Variants in PDE4D observed in about 807,000 individuals in gnomAD.
PDE4D encodes the protein phosphodiesterase 4D.
A neutral mutation model predicts 87.4 loss-of-function variants in PDE4D; 24 were observed. The ratio of observed to expected loss-of-function variants is 0.27; its 90% CI spans 0.20 to 0.39. PDE4D has a LOEUF of 0.39. PDE4D is among the 10% of genes least tolerant of loss of function. PDE4D has a pLI of 1.00. For missense variants in PDE4D, 714 were observed against 1,041.0 expected (o/e 0.69, Z 4.32); for synonymous variants, 384 against 383.2 (o/e 1.00, Z -0.02).
chr5:60,313,985 C>G (rs1327811699), intron 1 of PDE4D, among the ~76,000 whole-genome samples: 2 of 152,110 alleles, frequency 1.3e-5, no homozygotes, highest in African/African-American at 2.4e-5. Flanking sequence ...CAACATCATA[C>G]TGAATAGGTA....
chr5:58,981,070 A>G (rs1040998499), intron 11 of PDE4D, among the ~76,000 whole-genome samples: 1 of 152,144 alleles, frequency 6.6e-6, no homozygotes, highest in African/African-American at 2.4e-5. Flanking sequence ...AACAATGGTA[A>G]GGGCAATCTT....
intron 6 of PDE4D, among the ~76,000 whole-genome samples, chr5:58,995,102 T>A (rs1748911712): frequency 6.6e-6 from 1 of 152,138 alleles, no homozygotes; most frequent in Non-Finnish European, 1.5e-5. Flanking sequence ...TTCTGGTTGT[T>A]AAATTACTGG....
intron 1 of PDE4D, among the ~76,000 whole-genome samples, chr5:59,778,966 A>T (rs963769036): frequency 5.9e-5 from 9 of 152,182 alleles, no homozygotes; most frequent in African/African-American, 2.2e-4. Flanking sequence ...GGAATTTGAG[A>T]CCAAACTGGC....
intron 1 of PDE4D, among the ~76,000 whole-genome samples, chr5:59,536,274 GA>G (rs1229416212): frequency 6.6e-6 from 1 of 151,994 alleles, no homozygotes; most frequent in Non-Finnish European, 1.5e-5. Flanking sequence ...GGGAGGCCGA[GA>G]TGGGTGAATC....
intron 1 of PDE4D, among the ~76,000 whole-genome samples, chr5:59,336,353 A>C (rs1777654256): frequency 6.6e-6 from 1 of 152,234 alleles, no homozygotes; most frequent in Admixed American, 6.5e-5. Context: ...ATCCATCAGT[A>C]ACCTCAACAG....
chr5:60,150,993 T>C (rs1263678103), intron 2 of PDE4D, among the ~76,000 whole-genome samples: 1 of 152,204 alleles, frequency 6.6e-6, no homozygotes, highest in African/African-American at 2.4e-5. Context: ...CCTATGTTTC[T>C]AGCCTTAAAA....
At chr5:59,762,585 CACATATGTGTATATGTGTATATAGGT>C (rs1561617289) in intron 1 of PDE4D, among the ~76,000 whole-genome samples, 21 of 131,694 alleles carry the variant, frequency 1.6e-4, no homozygotes, top group African/African-American at 4.3e-4. Context: ...TATATGGGTA[CACATATGTGTATATGTGTATATAGGT>C]ACATATGTGT....
chr5:59,381,879 T>C (rs1362106952), intron 1 of PDE4D, among the ~76,000 whole-genome samples: 1 of 152,084 alleles, frequency 6.6e-6, no homozygotes, highest in African/African-American at 2.4e-5. Context: ...ATGTCAGCAA[T>C]AGTCTGGCCA....
At chr5:60,404,665 C>T (rs1041843722) in intron 1 of PDE4D, among the ~76,000 whole-genome samples, 2 of 152,130 alleles carry the variant, frequency 1.3e-5, no homozygotes, top group African/African-American at 4.8e-5. Context: ...CTGTGGTCAG[C>T]ATAGTAGATA....
At chr5:59,427,942 A>C (rs1197513327) in intron 1 of PDE4D, among the ~76,000 whole-genome samples, 1 of 152,232 alleles carries the variant, frequency 6.6e-6, no homozygotes, top group Admixed American at 6.5e-5. Flanking sequence ...GAGGCTACCA[A>C]AAATTAAAAG....
At chr5:59,460,281 T>C (rs541696681) in intron 1 of PDE4D, among the ~76,000 whole-genome samples, 2 of 152,314 alleles carry the variant, frequency 1.3e-5, no homozygotes, top group African/African-American at 4.8e-5. Flanking sequence ...GTATAACAAA[T>C]TTTTAATGTA....
intron 1 of PDE4D, among the ~76,000 whole-genome samples, chr5:60,459,604 T>G (rs1355067785): frequency 1.3e-5 from 2 of 151,992 alleles, no homozygotes; most frequent in Non-Finnish European, 2.9e-5. Flanking sequence ...CCCACAGAGC[T>G]CGGTGGTGTT....
chr5:59,417,628 C>T (rs1171246594), intron 1 of PDE4D, among the ~76,000 whole-genome samples: 3 of 151,932 alleles, frequency 2.0e-5, no homozygotes, highest in Non-Finnish European at 4.4e-5. Context: ...CTTAAACATA[C>T]TTCTTTCCAG....
At chr5:60,071,076 CTAGT>C (rs1408551437) in intron 2 of PDE4D, among the ~76,000 whole-genome samples, 2 of 151,474 alleles carry the variant, frequency 1.3e-5, no homozygotes, top group African/African-American at 4.8e-5. Context: ...TCTTTTTTTG[CTAGT>C]TAGTTTACTT....
intron 2 of PDE4D, among the ~76,000 whole-genome samples, chr5:60,050,494 T>C (rs1489589170): frequency 6.6e-6 from 1 of 152,176 alleles, no homozygotes; most frequent in Non-Finnish European, 1.5e-5. Flanking sequence ...CTGAGAGATT[T>C]TGTCACCACC....
In PDE4D at chr5:59,779,722, T is replaced by C. The variant is rs552548171; in HGVS notation, c.455+113446A>G. On this transcript the variant is annotated intron_variant, in intron 1 of 14. Transcript: ENST00000340635. ...ATTCAATAGTATGGTTATTTCATAT[T>C]TCATTTAGCCATTTCCCTACTGGAG... is the stretch of plus-strand genomic sequence containing the variant. 5.9e-5 allele frequency among the ~76,000 whole-genome samples: 9 copies of C among 152,372 alleles called. No homozygotes were observed. In the South Asian group the frequency reaches 1.9e-3, roughly 32 times the overall value.
chr5:60,104,083 GGTCAGGGAGTTCCCTTTCCTA>G (rs935350373), intron 2 of PDE4D, among the ~76,000 whole-genome samples: 8 of 152,154 alleles, frequency 5.3e-5, no homozygotes, highest in Non-Finnish European at 1.2e-4. Flanking sequence ...AAGCGCAAGG[GGTCAGGGAGTTCCCTTTCCTA>G]GTCAAAGAAA....
intron 1 of PDE4D, among the ~76,000 whole-genome samples, chr5:59,739,442 C>T (rs1758545578): frequency 6.6e-6 from 1 of 151,980 alleles, no homozygotes; most frequent in South Asian, 2.1e-4. Context: ...ACAACAGCAA[C>T]AACAACAAAG....
chr5:58,985,745 C>T (rs1398140810), intron 11 of PDE4D, among the ~76,000 whole-genome samples: 1 of 152,054 alleles, frequency 6.6e-6, no homozygotes, highest in Non-Finnish European at 1.5e-5. Context: ...TCAAGCCATC[C>T]ATAAAATATA....
Sources: allele counts gnomAD v4.1 joint callset (sites outside exome capture counted in the v4.1 genomes callset), GRCh38; gene constraint gnomAD v4.1.1; transcripts MANE v1.5; gene names NCBI Gene and HGNC (gene_info 2026-07-23, HGNC 2026-07-21).